The following EPC1 variants were observed in gnomAD, a reference collection of about 807,000 sequenced individuals.
The protein encoded by EPC1 is enhancer of polycomb homolog 1.
A neutral mutation model predicts 98.4 loss-of-function variants in EPC1; 12 were observed. The observed-to-expected ratio is 0.12, with a 90% CI of 0.08 to 0.20. The LOEUF is 0.20. Ranked by LOEUF, EPC1 falls within the 10% of genes least tolerant of loss-of-function variation. The pLI, the probability that EPC1 is intolerant of heterozygous loss-of-function variation, is 1.00. For synonymous variants in EPC1, 357 were observed against 363.9 expected, an observed-to-expected ratio of 0.98 and a Z score of 0.21; for missense variants, 729 against 990.5, an observed-to-expected ratio of 0.74 and a Z score of 3.54.
chr10:32,348,426 G>T (rs966128242), upstream of EPC1, among the ~76,000 whole-genome samples: 2 of 152,086 alleles, frequency 1.3e-5, no homozygotes, highest in Non-Finnish European at 2.9e-5. Flanking sequence ...TTTCTCCCTG[G>T]GAACTACGTA....
chr10:32,306,422 T>C (rs1308060542), intron 1 of EPC1, among the ~76,000 whole-genome samples: 1 of 152,230 alleles, frequency 6.6e-6, no homozygotes, highest in Non-Finnish European at 1.5e-5. Context: ...GAGTTGAAAC[T>C]GACAGACTCA....
At chr10:32,310,544 G>A (rs1368339980) in intron 1 of EPC1, among the ~76,000 whole-genome samples, 1 of 152,158 alleles carries the variant, frequency 6.6e-6, no homozygotes, top group East Asian at 1.9e-4. Context: ...TCGTAACTGT[G>A]AAACCAAAAT....
At chr10:32,368,720 C>A (rs1839668515) in intron 1 of EPC1, among the ~76,000 whole-genome samples, 1 of 152,140 alleles carries the variant, frequency 6.6e-6, no homozygotes, top group Admixed American at 6.5e-5. Context: ...AATCCATACA[C>A]CTGAATGCGG....
chr10:32,327,404 T>C (rs1048324213), intron 1 of EPC1, among the ~76,000 whole-genome samples: 1 of 152,184 alleles, frequency 6.6e-6, no homozygotes, highest in Non-Finnish European at 1.5e-5. Flanking sequence ...GAGTGACTAT[T>C]GCTAACGACA....
chr10:32,300,766 G>T (rs1345928411), intron 2 of EPC1, among the ~76,000 whole-genome samples: 1 of 152,008 alleles, frequency 6.6e-6, no homozygotes, highest in African/African-American at 2.4e-5. Flanking sequence ...TATAATTATT[G>T]TACTTTTATT....
At chr10:32,362,137 T>C (rs1474032368) in intron 1 of EPC1, among the ~76,000 whole-genome samples, 1 of 152,196 alleles carries the variant, frequency 6.6e-6, no homozygotes, top group Non-Finnish European at 1.5e-5. Flanking sequence ...CTTTTATTCC[T>C]TTACTTTCTA....
intron 1 of EPC1, among the ~76,000 whole-genome samples, chr10:32,315,517 TATC>T (rs1836501333): frequency 2.0e-5 from 3 of 152,320 alleles, no homozygotes; most frequent in African/African-American, 7.2e-5. Flanking sequence ...AAAGCAACAA[TATC>T]ATACAAAATT....
intron 4 of EPC1, 110 bp from the exon 5 acceptor site, chr10:32,292,754 CA>C (rs1323210745): frequency 8.9e-7 from 1 of 1,127,698 alleles, no homozygotes; most frequent in Non-Finnish European, 1.2e-6. Flanking sequence ...AATTTAAAGA[CA>C]ATAAAAGGGA....
At chr10:32,322,870 CG>C (rs1288104957) in intron 1 of EPC1, among the ~76,000 whole-genome samples, 1 of 151,826 alleles carries the variant, frequency 6.6e-6, no homozygotes, top group African/African-American at 2.4e-5. Context: ...GGATGATTAA[CG>C]GGTACAAAAA....
At chr10:32,286,865 A>G (rs2986931) in intron 8 of EPC1, 23 bp from the exon 9 acceptor site, 1,096,267 of 1,609,554 alleles carry the variant, frequency 0.68, 376,922 homozygotes, top group Middle Eastern at 0.75. Flanking sequence ...AATCCAAATT[A>G]TTTAATTTTG....
intron 2 of EPC1, among the ~76,000 whole-genome samples, chr10:32,304,248 TC>T (rs1835744498): frequency 6.6e-6 from 1 of 152,208 alleles, no homozygotes; most frequent in African/African-American, 2.4e-5. Context: ...ATTAATTTTT[TC>T]TCATAATGAT....
At chr10:32,345,637 G>C (rs908956065) in intron 1 of EPC1, 2 of 985,242 alleles carry the variant, frequency 2.0e-6, no homozygotes, top group East Asian at 2.3e-4. Flanking sequence ...GGGGAAATGA[G>C]AGGAAGATTC....
intron 6 of EPC1, among the ~76,000 whole-genome samples, chr10:32,288,512 G>C (rs746630311): frequency 1.3e-5 from 2 of 151,692 alleles, no homozygotes; most frequent in Non-Finnish European, 2.9e-5. Flanking sequence ...ATTTGCGCTC[G>C]CTAATTTTTT....
Position 32,306,967 on chromosome 10 carries a change from T to G in EPC1, c.154-1036A>C, listed in dbSNP as rs902224553. ...GGTAGTCCATTAGGAATGTGTATTT[T>G]CTTCCCAATATTTTAATGTATATAC... On this transcript the variant is annotated intron_variant, in intron 1 of 13. Transcript: ENST00000319778. 2.0e-5 allele frequency among the ~76,000 whole-genome samples: 3 copies of G among 152,168 alleles called. No homozygotes were observed. The South Asian group carries it at 6.2e-4, about 32-fold the overall frequency.
At chr10:32,299,808 G>A (rs561740431) in intron 2 of EPC1, among the ~76,000 whole-genome samples, 1 of 152,110 alleles carries the variant, frequency 6.6e-6, no homozygotes, top group Non-Finnish European at 1.5e-5. Flanking sequence ...TTTGTGGAGA[G>A]AGCTTAAAGC....
At chr10:32,274,495 G>A (rs1365152276) in intron 10 of EPC1, among the ~76,000 whole-genome samples, 2 of 152,096 alleles carry the variant, frequency 1.3e-5, no homozygotes, top group Non-Finnish European at 2.9e-5. Flanking sequence ...GTTTTGAATG[G>A]ATCAGAAAAT....
intron 1 of EPC1, among the ~76,000 whole-genome samples, chr10:32,362,443 A>T (rs1256304927): frequency 2.6e-5 from 4 of 152,048 alleles, no homozygotes; most frequent in African/African-American, 9.7e-5. Flanking sequence ...GTTTGAAAGC[A>T]TAGTAGCACC....
In EPC1 at chr10:32,271,742, C is replaced by T. The variant is rs1037274256; in HGVS notation, c.2181G>A (p.Leu727=). The change falls in exon 13 of 14, where the codon CTG becomes CTA. Residue 727 remains leucine (L), a synonymous_variant. Coordinates refer to ENST00000319778, the MANE Select transcript of EPC1 (RefSeq NM_001272004.3). ...CAGTTAATCGAATGTTGTTCCCAAT[C>T]AGAACCTGAGTTGTTGCAGAATTGG... ...TAANSATTQV[L]IGNNIRLTVP... 1 of 1,614,192 alleles carries T rather than the reference C, an allele frequency of 6.2e-7. No individual in the cohort carries two copies. Among genetic ancestry groups the T allele is most frequent in the East Asian group, 2.2e-5 (1 of 44,880 alleles).
chr10:32,341,992 A>C (rs1306241683), intron 1 of EPC1, among the ~76,000 whole-genome samples: 1 of 152,260 alleles, frequency 6.6e-6, no homozygotes, highest in Non-Finnish European at 1.5e-5. Flanking sequence ...TTATTTCCAC[A>C]TAATCCTCAG....
Sources: allele counts gnomAD v4.1 joint callset (sites outside exome capture counted in the v4.1 genomes callset), GRCh38; gene constraint gnomAD v4.1.1; transcripts MANE v1.5; gene names NCBI Gene and HGNC (gene_info 2026-07-23, HGNC 2026-07-21).